The following NUP210L variants were observed in gnomAD, a reference collection of about 807,000 sequenced individuals.
NUP210L encodes nuclear pore membrane glycoprotein 210-like.
A neutral mutation model predicts 208.5 loss-of-function variants in NUP210L; 74 were observed. That is an observed-to-expected ratio of 0.35 (90% CI 0.29 to 0.43). The LOEUF is 0.43. NUP210L is among the 20% of genes least tolerant of loss of function. The pLI is 1.00. For synonymous variants in NUP210L, 780 were observed against 816.9 expected (o/e 0.95, Z 0.77); for missense variants, 1,843 against 2,289.4 (o/e 0.81, Z 3.98).
intron 8 of NUP210L, 92 bp from the exon 9 acceptor site, chr1:154,127,509 C>G (rs529851698): frequency 7.5e-5 from 36 of 477,144 alleles, no homozygotes; most frequent in Non-Finnish European, 1.2e-4. Flanking sequence ...GCTGTTCAAA[C>G]AGCAAAATTT....
chr1:154,082,199 CTTG>C (rs774509025), intron 16 of NUP210L, among the ~76,000 whole-genome samples: 44 of 152,250 alleles, frequency 2.9e-4, no homozygotes, highest in Non-Finnish European at 4.9e-4. Context: ...AATTACCAAA[CTTG>C]TTGGTCATAA....
intron 17 of NUP210L, among the ~76,000 whole-genome samples, chr1:154,064,949 G>A (rs1468157991): frequency 2.0e-5 from 3 of 151,862 alleles, no homozygotes; most frequent in African/African-American, 7.3e-5. Flanking sequence ...GGTGGTGCAG[G>A]CCTGTAAGCC....
At chr1:154,149,843 G>T (rs1014785271) in intron 2 of NUP210L, among the ~76,000 whole-genome samples, 5 of 152,154 alleles carry the variant, frequency 3.3e-5, no homozygotes, top group African/African-American at 1.2e-4. Flanking sequence ...TAATATAACA[G>T]ATATTTTTAT....
At chr1:154,043,418 G>A (rs1653000442) in intron 27 of NUP210L, among the ~76,000 whole-genome samples, 1 of 148,982 alleles carries the variant, frequency 6.7e-6, no homozygotes, top group Admixed American at 6.7e-5. Context: ...GGGTTCAAGC[G>A]ATTCTCCTGC....
exon 1 of NUP210L, chr1:154,155,066 T>C: frequency 6.4e-7 from 1 of 1,568,538 alleles, no homozygotes; most frequent in Non-Finnish European, 8.7e-7. Context: ...GGTCTCGGGT[T>C]CCCGCTCAAC....
chr1:154,108,105 G>C (rs536686778), intron 12 of NUP210L, among the ~76,000 whole-genome samples: 3 of 152,226 alleles, frequency 2.0e-5, no homozygotes, highest in Non-Finnish European at 2.9e-5. Context: ...GATATAAATA[G>C]AAACAACGCA....
intron 25 of NUP210L, among the ~76,000 whole-genome samples, chr1:154,048,477 C>T (rs930061372): frequency 3.3e-5 from 5 of 152,048 alleles, no homozygotes; most frequent in South Asian, 2.1e-4. Flanking sequence ...GGTGTATGCC[C>T]GAAGTGTAAA....
At chr1:154,075,239 TA>T (rs1317389891) in intron 16 of NUP210L, among the ~76,000 whole-genome samples, 1 of 152,136 alleles carries the variant, frequency 6.6e-6, no homozygotes, top group East Asian at 1.9e-4. Flanking sequence ...AAATTTGTTT[TA>T]AAAAAGTATG....
At chr1:154,113,686 C>A (rs922682231) in intron 12 of NUP210L, among the ~76,000 whole-genome samples, 1 of 151,338 alleles carries the variant, frequency 6.6e-6, no homozygotes, top group African/African-American at 2.4e-5. Context: ...GGTGAAACCC[C>A]GTCTCTACTA....
At chr1:154,060,997 T>G (rs763632471) in exon 19 of NUP210L, 1 of 1,613,776 alleles carries the variant, frequency 6.2e-7, no homozygotes, top group Non-Finnish European at 8.5e-7. Context: ...AGTTACATCA[T>G]CTACCAGGAG....
At chr1:154,077,528 A>T (rs1368507745) in intron 16 of NUP210L, among the ~76,000 whole-genome samples, 4 of 152,222 alleles carry the variant, frequency 2.6e-5, no homozygotes, top group Non-Finnish European at 5.9e-5. Context: ...GTCTTACAAG[A>T]AATACTAAAG....
At chr1:154,016,773 A>G (rs1651269586) in intron 33 of NUP210L, among the ~76,000 whole-genome samples, 1 of 151,708 alleles carries the variant, frequency 6.6e-6, no homozygotes, top group African/African-American at 2.4e-5. Context: ...GTGAAATGCC[A>G]TCTCTATCAA....
chr1:154,004,135 C>G (rs1025794358), intron 35 of NUP210L, among the ~76,000 whole-genome samples: 1 of 149,026 alleles, frequency 6.7e-6, no homozygotes, highest in Admixed American at 6.8e-5. Flanking sequence ...GTGGCGCGAT[C>G]TTGGCTCACT....
At chr1:154,074,737 C>T (rs1169850424) in intron 16 of NUP210L, among the ~76,000 whole-genome samples, 1 of 152,196 alleles carries the variant, frequency 6.6e-6, no homozygotes, top group Non-Finnish European at 1.5e-5. Flanking sequence ...GATCTACCTG[C>T]TTCGGCCTCC....
rs536205855 is a variant in NUP210L at position 154,027,711 on chromosome 1, G to A, written c.3856-114C>T. ...TTACATGCAAATAAATGACAACTACGAATCAACAGTCTGCCTAACTTCTAA... is the reference window on the plus strand; with the variant it reads ...TTACATGCAAATAAATGACAACTACAAATCAACAGTCTGCCTAACTTCTAA... On this transcript the variant is annotated intron_variant, in intron 28 of 39. Coordinates refer to ENST00000368559, the Ensembl canonical transcript of NUP210L. 56 of 636,246 alleles carry A rather than the reference G, an allele frequency of 8.8e-5. No homozygotes were observed. In the African/African-American group the frequency reaches 9.6e-4, roughly 11 times the overall value. The allele number at this position is 636,246 out of a possible 1,614,324, so 39.4% of individuals were successfully genotyped here. A position where few individuals can be genotyped will look rare whatever the true frequency, so the allele number is the denominator to read the frequency against.
intron 17 of NUP210L, among the ~76,000 whole-genome samples, chr1:154,068,978 T>TAATAA (rs770514394): frequency 7.8e-4 from 119 of 152,020 alleles, no homozygotes; most frequent in African/African-American, 2.2e-3. Flanking sequence ...AGTATAATAA[T>TAATAA]AATAAAATAA....
At chr1:154,009,840 T>C (rs1210890903) in intron 35 of NUP210L, 132 bp downstream of exon 35, 1 of 652,588 alleles carries the variant, frequency 1.5e-6, no homozygotes, top group Non-Finnish European at 2.3e-6. Flanking sequence ...TGAACAAAAA[T>C]GTTGCCTGAC....
At chr1:154,152,426 G>A (rs936109719) in intron 2 of NUP210L, among the ~76,000 whole-genome samples, 7 of 151,472 alleles carry the variant, frequency 4.6e-5, no homozygotes, top group Non-Finnish European at 7.4e-5. Flanking sequence ...CACCCACCTC[G>A]GCCTCCCAAA....
exon 36 of NUP210L, chr1:154,001,922 A>C (rs1363595669): frequency 1.9e-6 from 3 of 1,614,034 alleles, no homozygotes; most frequent in Non-Finnish European, 2.5e-6. Context: ...GGTGTCAGCC[A>C]CACTGAGGGC....
Sources: allele counts gnomAD v4.1 joint callset (sites outside exome capture counted in the v4.1 genomes callset), GRCh38; gene constraint gnomAD v4.1.1; transcripts MANE v1.5; gene names NCBI Gene and HGNC (gene_info 2026-07-23, HGNC 2026-07-21).